The following MCRS1 variants were observed in gnomAD, a reference collection of about 807,000 sequenced individuals.
MCRS1 encodes microspherule protein 1, also known as 58 kDa microspherule protein.
In MCRS1, 22 loss-of-function variants were observed where a neutral mutation model predicts 62.9. The observed-to-expected ratio is 0.35, with a 90% CI of 0.25 to 0.50. MCRS1 has a LOEUF of 0.50. MCRS1 is among the 20% of genes least tolerant of loss of function. The pLI, the probability that MCRS1 is intolerant of heterozygous loss-of-function variation, is 0.98. For synonymous variants in MCRS1, 244 were observed against 233.5 expected (o/e 1.04, Z -0.41); for missense variants, 456 against 601.1 (o/e 0.76, Z 2.52).
rs530159838 is a variant in MCRS1, at chr12:49,568,091, T to A, written c.-154A>T. The A allele has an allele frequency of 6.6e-6, 1 of 152,280 alleles. No homozygotes were observed. The highest frequency in any genetic ancestry group is 1.9e-4 in the East Asian group (1 of 5,180). 9.4% of individuals were successfully genotyped at this position (152,280 alleles called of 1,614,324 possible). A position where few individuals can be genotyped will look rare whatever the true frequency, so the allele number is the denominator to read the frequency against. On this transcript the variant is annotated 5_prime_UTR_variant, in exon 1 of 15. Transcript: ENST00000343810. ...TCCAACAATTTCTCCGCGGCGACGG[T>A]AGCAGCCGCAGGGCCAAAGCCGGCT...
intron 8 of MCRS1, among the ~76,000 whole-genome samples, chr12:49,562,445 T>C (rs950579799): frequency 6.6e-6 from 1 of 152,076 alleles, no homozygotes; most frequent in African/African-American, 2.4e-5. Context: ...GAGAGACAGA[T>C]GGACTGGGTG....
Position 49,563,056 on chromosome 12 carries a change from G to A in MCRS1, c.750C>T (p.Ala250=), listed in dbSNP as rs1465644780. 2 of 1,583,516 alleles carry A rather than the reference G, an allele frequency of 1.3e-6. No homozygotes were observed. The highest frequency in any genetic ancestry group is 1.7e-6 in the Non-Finnish European group (2 of 1,162,588). The change falls in exon 8 of 15, where the codon GCC becomes GCT. Residue 250 remains alanine (A), a synonymous_variant. Coordinates refer to ENST00000343810, the MANE Select transcript of MCRS1 (RefSeq NM_006337.5). ...TCATGAGCTGCCAGTGGGCCTGCAG[G>A]GCCTTCGCGGTACGGGCCAGGTAGA... ...DAFYLARTAK[A]LQAHWQLMKQ... is the part of the protein sequence containing the mutation.
intron 2 of MCRS1, 114 bp from the exon 3 acceptor site, chr12:49,566,329 C>G (rs1368684274): frequency 3.2e-6 from 5 of 1,561,812 alleles, no homozygotes; most frequent in Non-Finnish European, 4.3e-6. Flanking sequence ...CCCCTGCCTC[C>G]TTGACACTTG....
At chr12:49,565,034 G>A in intron 4 of MCRS1, 139 bp from the exon 5 acceptor site, 4 of 1,403,694 alleles carry the variant, frequency 2.8e-6, no homozygotes, top group Non-Finnish European at 3.7e-6. Context: ...ACAACAGGAA[G>A]CACAGGAAAG....
intron 5 of MCRS1, 65 bp from the exon 6 acceptor site, chr12:49,564,655 C>T: frequency 6.2e-7 from 1 of 1,608,144 alleles, no homozygotes; most frequent in Non-Finnish European, 8.5e-7. Flanking sequence ...TTGCCACCCA[C>T]AGGGCCCTGT....
rs201699388 is a variant in MCRS1 at position 49,560,333 on chromosome 12, G to A, written c.843C>T (p.Phe281=). ...PLPKGDQVLN[F]SDAEDLIDDS... ...CATCAATCAGGTCCTCTGCATCAGAGAAGTTCAGCACTTGGTCCCCTTTGG... is the reference window on the plus strand; with the variant it reads ...CATCAATCAGGTCCTCTGCATCAGAAAAGTTCAGCACTTGGTCCCCTTTGG... Residue 281 remains phenylalanine (F), a synonymous_variant, in exon 9 of 15, where the codon TTC becomes TTT. Transcript: ENST00000343810. 103 of 1,614,238 alleles carry A rather than the reference G, an allele frequency of 6.4e-5. No individual in the cohort carries two copies. Among genetic ancestry groups the A allele is most frequent in the African/African-American group, 1.5e-4 (11 of 75,066 alleles).
At chr12:49,565,288 C>G in intron 4 of MCRS1, 1 of 985,374 alleles carries the variant, frequency 1.0e-6, no homozygotes, top group Middle Eastern at 5.2e-4. Context: ...GATGCATGCT[C>G]CATGCCTCCC....
chr12:49,564,726 G>C lies in MCRS1; in HGVS notation c.447+11C>G. ...GAAAGGGGCACACTGAGCCTATGGT[G>C]GGGGCACTACCTGCAACACAGCATT... On this transcript the variant is annotated intron_variant, in intron 5 of 14. Transcript: ENST00000343810. 1.2e-6 allele frequency: 2 copies of C among 1,606,758 alleles called. No individual in the cohort carries two copies. The highest frequency in any genetic ancestry group is 1.7e-6 in the Non-Finnish European group (2 of 1,175,256).
rs564003968 is a variant in MCRS1 at position 49,558,416 on chromosome 12, A to G, written c.*227T>C. Reference sequence around the variant, plus strand: ...CAATGGGGGGTAGGGTTGTTTTTAGAGAGAGGAAGATGGGGAGGGGCTCTG... The same window carrying G: ...CAATGGGGGGTAGGGTTGTTTTTAGGGAGAGGAAGATGGGGAGGGGCTCTG... On this transcript the variant is annotated 3_prime_UTR_variant, in exon 15 of 15. Transcript: ENST00000343810. 1 of 559,954 alleles carries G rather than the reference A, an allele frequency of 1.8e-6. No homozygotes were observed. The highest frequency in any genetic ancestry group is 1.9e-5 in the African/African-American group (1 of 53,436). The allele number at this position is 559,954 out of a possible 1,614,324, so 34.7% of individuals were successfully genotyped here.
At chr12:49,567,384 T>C (rs192633282) in intron 1 of MCRS1, among the ~76,000 whole-genome samples, 6 of 152,104 alleles carry the variant, frequency 3.9e-5, no homozygotes, top group Admixed American at 6.5e-5. Context: ...AAAACCACTG[T>C]TTGGGAACTG....
In MCRS1 at chr12:49,564,630, G is replaced by A. The variant is rs753019593; in HGVS notation, c.448-40C>T. On this transcript the variant is annotated intron_variant, in intron 5 of 14. Transcript: ENST00000343810. ...AAGGATTTGCTCCAGCCTTGGAGCT[G>A]GGAACAACCCTTCTTTGCCACCCAC... 3.0e-5 allele frequency: 48 copies of A among 1,608,578 alleles called. No homozygotes were observed. In the Admixed American group the frequency reaches 7.9e-4, roughly 27 times the overall value.
rs1201890561 is a variant in MCRS1 at position 49,564,762 on chromosome 12, A to T, written c.422T>A (p.Leu141His). The T allele has an allele frequency of 6.2e-7, 1 of 1,613,104 alleles. No homozygotes were observed. The highest frequency in any genetic ancestry group is 8.5e-7 in the Non-Finnish European group (1 of 1,179,512). Residue 141 changes from leucine to histidine, a missense_variant, in exon 5 of 15, where the codon CTC becomes CAC. By Grantham distance (99) the Leu-to-His change is moderately conservative. Transcript: ENST00000343810. ...DLGRWKPADD[L>H]LLINAVLQTN... ...CTGCAACACAGCATTTATGAGCAGGAGGTCATCTGCAGGCTTCCAGCGGCC... is the reference window on the plus strand; with the variant it reads ...CTGCAACACAGCATTTATGAGCAGGTGGTCATCTGCAGGCTTCCAGCGGCC...
At chr12:49,562,711 A>G (rs1295084800) in intron 8 of MCRS1, among the ~76,000 whole-genome samples, 2 of 152,222 alleles carry the variant, frequency 1.3e-5, no homozygotes, top group Non-Finnish European at 2.9e-5. Context: ...TGAGAATAAA[A>G]TATGTCATGA....
chr12:49,560,045 G>A, intron 9 of MCRS1, 78 bp from the exon 10 acceptor site: 7 of 1,580,880 alleles, frequency 4.4e-6, no homozygotes, highest in Non-Finnish European at 6.1e-6. Context: ...GCATCCCTGA[G>A]CCCCTTTAGC....
chr12:49,560,685 C>T (rs1315664519), intron 8 of MCRS1, among the ~76,000 whole-genome samples: 1 of 152,204 alleles, frequency 6.6e-6, no homozygotes, highest in African/African-American at 2.4e-5. Flanking sequence ...CTCTATTTTA[C>T]AGATGAGGAA....
chr12:49,560,473 G>A, intron 8 of MCRS1, 103 bp from the exon 9 acceptor site: 1 of 1,033,396 alleles, frequency 9.7e-7, no homozygotes, highest in Non-Finnish European at 1.5e-6. Flanking sequence ...GCGCTGGGTG[G>A]AGAGCCCAGC....
At chr12:49,562,971 C>T (rs990015030) in intron 8 of MCRS1, 30 bp downstream of exon 8, 1 of 1,586,342 alleles carries the variant, frequency 6.3e-7, no homozygotes, top group Admixed American at 1.7e-5. Flanking sequence ...CGTGCACACA[C>T]CCCCATTCTG....
At chr12:49,566,486 C>T (rs375619399) in intron 2 of MCRS1, 212 of 1,549,426 alleles carry the variant, frequency 1.4e-4, no homozygotes, top group Non-Finnish European at 1.8e-4. Flanking sequence ...TGCCGACACG[C>T]TGGGCTCTGG....
chr12:49,558,601 G>T lies in MCRS1; in HGVS notation c.*42C>A. ...AGCTCAAGGGGGCTGGAGTGGCAGG[G>T]GAAACAGGCCGGAGAGGGCCCACGA... is the stretch of plus-strand genomic sequence containing the variant. On this transcript the variant is annotated 3_prime_UTR_variant, in exon 15 of 15. Transcript: ENST00000343810. 1 of 1,594,194 alleles carries T rather than the reference G, an allele frequency of 6.3e-7. No homozygotes were observed. Among genetic ancestry groups the T allele is most frequent in the South Asian group, 1.1e-5 (1 of 90,360 alleles).
Sources: allele counts gnomAD v4.1 joint callset (sites outside exome capture counted in the v4.1 genomes callset), GRCh38; gene constraint gnomAD v4.1.1; transcripts MANE v1.5; gene names NCBI Gene and HGNC (gene_info 2026-07-23, HGNC 2026-07-21).